The following RCAN2 variants were observed in gnomAD, a reference collection of about 807,000 sequenced individuals.
The protein encoded by RCAN2 is regulator of calcineurin 2.
In RCAN2, 9 loss-of-function variants were observed where a neutral mutation model predicts 23.6. That is an observed-to-expected ratio of 0.38 (90% confidence interval 0.23 to 0.67). RCAN2 has a LOEUF of 0.67. Ranked by LOEUF, RCAN2 falls within the 30% of genes least tolerant of loss-of-function variation. The pLI, the probability that RCAN2 is intolerant of heterozygous loss-of-function variation, is 0.51. For synonymous variants in RCAN2, 109 were observed against 115.7 expected, an observed-to-expected ratio of 0.94 and a Z score of 0.37; for missense variants, 273 against 302.3, an observed-to-expected ratio of 0.90 and a Z score of 0.72.
chr6:46,382,566 G>A (rs1765639607), intron 2 of RCAN2, among the ~76,000 whole-genome samples: 1 of 152,170 alleles, frequency 6.6e-6, no homozygotes, highest in African/African-American at 2.4e-5. Flanking sequence ...CTCCAGGTGA[G>A]TTAAAAAACA....
intron 2 of RCAN2, among the ~76,000 whole-genome samples, chr6:46,404,839 A>C (rs1766351730): frequency 6.6e-6 from 1 of 152,242 alleles, no homozygotes; most frequent in Non-Finnish European, 1.5e-5. Flanking sequence ...AGGAAAAGCA[A>C]ATAACCCATA....
intron 1 of RCAN2, among the ~76,000 whole-genome samples, chr6:46,472,676 C>T (rs780484787): frequency 7.6e-4 from 115 of 152,202 alleles, no homozygotes; most frequent in Non-Finnish European, 2.5e-4. Flanking sequence ...ACCTTGTTCA[C>T]ATTGTATCTC....
intron 2 of RCAN2, among the ~76,000 whole-genome samples, chr6:46,376,563 C>T (rs1765465337): frequency 6.6e-6 from 1 of 152,030 alleles, no homozygotes; most frequent in African/African-American, 2.4e-5. Context: ...ACCTATAGTC[C>T]CAGCTACTCG....
At chr6:46,477,757 G>A (rs183853821) in intron 1 of RCAN2, among the ~76,000 whole-genome samples, 6 of 152,146 alleles carry the variant, frequency 3.9e-5, no homozygotes, top group Non-Finnish European at 4.4e-5. Flanking sequence ...TTGAAGACCC[G>A]GCAAGGATGT....
chr6:46,315,755 C>T lies in RCAN2; in HGVS notation c.226-66859G>A, dbSNP rs1270615943. On this transcript the variant is annotated intron_variant, in intron 2 of 4. Coordinates refer to ENST00000371374, the MANE Select transcript of RCAN2 (RefSeq NM_001251974.2). ...TTCAGGCTGCTTCCCTTTCCATTAA[C>T]TGAGTCAACAACAGCAACTTCCTGG... 2.0e-5 allele frequency among the ~76,000 whole-genome samples: 3 copies of T among 152,148 alleles called. No individual in the cohort carries two copies. In the East Asian group the frequency reaches 5.8e-4, roughly 29 times the overall value.
chr6:46,482,391 A>G (rs1768886770), intron 1 of RCAN2, among the ~76,000 whole-genome samples: 1 of 152,174 alleles, frequency 6.6e-6, no homozygotes, highest in South Asian at 2.1e-4. Flanking sequence ...GAATGAAAAC[A>G]GGCTAAAGGT....
chr6:46,486,274 T>C (rs1768986796), intron 1 of RCAN2, among the ~76,000 whole-genome samples: 1 of 152,174 alleles, frequency 6.6e-6, no homozygotes, highest in Non-Finnish European at 1.5e-5. Context: ...ATACCCACCT[T>C]GTGGAGTTGT....
chr6:46,438,980 A>C (rs1283646281), intron 2 of RCAN2, among the ~76,000 whole-genome samples: 1 of 152,214 alleles, frequency 6.6e-6, no homozygotes, highest in Non-Finnish European at 1.5e-5. Context: ...ATCTTAGAAT[A>C]TCTTAGGATA....
At position 46,223,052 on chromosome 6, in the gene RCAN2, G is replaced by A; in HGVS notation, c.*89C>T. ...GGAATCTCAAACAACCAAACACCCAGGAATTTAAAGGCAATTTTTTTTGAC... is the reference window on the plus strand; with the variant it reads ...GGAATCTCAAACAACCAAACACCCAAGAATTTAAAGGCAATTTTTTTTGAC... On this transcript the variant is annotated 3_prime_UTR_variant, in exon 5 of 5. Transcript: ENST00000371374. 2 of 1,428,680 alleles carry A rather than the reference G, an allele frequency of 1.4e-6. No individual in the cohort carries two copies. Among genetic ancestry groups the A allele is most frequent in the South Asian group, 2.6e-5 (2 of 77,072 alleles). 88.5% of individuals were successfully genotyped at this position (1,428,680 alleles called of 1,614,324 possible).
At chr6:46,343,565 C>T (rs188788733) in intron 2 of RCAN2, among the ~76,000 whole-genome samples, 10 of 151,966 alleles carry the variant, frequency 6.6e-5, no homozygotes, top group Admixed American at 3.3e-4. Flanking sequence ...TTAGTAGAGA[C>T]GGGGTTTCAC....
At chr6:46,304,750 G>A (rs1159915511) in intron 2 of RCAN2, among the ~76,000 whole-genome samples, 2 of 152,044 alleles carry the variant, frequency 1.3e-5, no homozygotes, top group South Asian at 4.1e-4. Flanking sequence ...ATTGGGGTAG[G>A]CAGGGGAATT....
At chr6:46,344,224 T>G (rs1764416730) in intron 2 of RCAN2, among the ~76,000 whole-genome samples, 1 of 152,162 alleles carries the variant, frequency 6.6e-6, no homozygotes, top group South Asian at 2.1e-4. Flanking sequence ...CTCAATAAAT[T>G]TATTAAACAA....
intron 2 of RCAN2, chr6:46,325,307 C>T (rs1279800032): frequency 2.0e-6 from 3 of 1,477,448 alleles, no homozygotes; most frequent in East Asian, 4.6e-5. Context: ...AACTATTAAC[C>T]AAAGTCTTAT....
At chr6:46,484,751 A>G (rs575833688) in intron 1 of RCAN2, among the ~76,000 whole-genome samples, 15 of 152,318 alleles carry the variant, frequency 9.8e-5, no homozygotes, top group African/African-American at 3.4e-4. Context: ...ACAGAAATCA[A>G]CTTTCCTACA....
At position 46,223,291 on chromosome 6, in the gene RCAN2, A is replaced by G. The variant is rs750327847; in HGVS notation, c.582T>C (p.Tyr194=). The change falls in exon 5 of 5, where the codon TAT becomes TAC. Residue 194 remains tyrosine (Y), a synonymous_variant. Transcript: ENST00000371374. ...AVAKLGPGEK[Y]ELHAGTESTP... ...TGGACTCAGTCCCTGCATGGAGCTCATACTTCTCTCCTGAAAAGCAAGAAA... is the reference window on the plus strand; with the variant it reads ...TGGACTCAGTCCCTGCATGGAGCTCGTACTTCTCTCCTGAAAAGCAAGAAA... 19 of 1,609,826 alleles carry G rather than the reference A, an allele frequency of 1.2e-5. No homozygotes were observed. In the Admixed American group the frequency reaches 3.0e-4, roughly 25 times the overall value.
At chr6:46,457,292 C>T (rs928509772) in intron 1 of RCAN2, among the ~76,000 whole-genome samples, 1 of 152,072 alleles carries the variant, frequency 6.6e-6, no homozygotes, top group African/African-American at 2.4e-5. Flanking sequence ...GTATTGAGTT[C>T]CAGGCACTAT....
intron 2 of RCAN2, among the ~76,000 whole-genome samples, chr6:46,352,181 T>C (rs1022945989): frequency 6.6e-6 from 1 of 152,232 alleles, no homozygotes; most frequent in African/African-American, 2.4e-5. Flanking sequence ...GCACCTTCTC[T>C]GTTCACAGGA....
intron 2 of RCAN2, among the ~76,000 whole-genome samples, chr6:46,391,117 G>T (rs1476350624): frequency 6.6e-6 from 1 of 152,170 alleles, no homozygotes; most frequent in Admixed American, 6.5e-5. Context: ...TGAGACTTGG[G>T]CAAGTTATAC....
Position 46,227,762 on chromosome 6 carries a change from G to GT in RCAN2, c.572-4462dup, listed in dbSNP as rs1277976954. Reference sequence around the variant, plus strand: ...CCCGGATTCATTAATTTTTTGAAGGGTTTTTTTGTGTCCCTATCTCCTTCA... The same window carrying GT: ...CCCGGATTCATTAATTTTTTGAAGGGTTTTTTTTGTGTCCCTATCTCCTTCA... On this transcript the variant is annotated intron_variant, in intron 4 of 4. Transcript: ENST00000371374. Among the ~76,000 whole-genome samples the GT allele has an allele frequency of 5.3e-5, 8 of 152,138 alleles. No homozygotes were observed. In the East Asian group the frequency reaches 1.2e-3, roughly 22 times the overall value.
Sources: allele counts gnomAD v4.1 joint callset (sites outside exome capture counted in the v4.1 genomes callset), GRCh38; gene constraint gnomAD v4.1.1; transcripts MANE v1.5; gene names NCBI Gene and HGNC (gene_info 2026-07-23, HGNC 2026-07-21).